The following ADAM7 variants were observed in gnomAD, a reference collection of about 807,000 sequenced individuals.
ADAM7 encodes ADAM metallopeptidase domain 7, also known as disintegrin and metalloproteinase domain-containing protein 7.
In ADAM7, 97 loss-of-function variants were observed where a neutral mutation model predicts 102.9. The ratio of observed to expected loss-of-function variants is 0.94; its 90% CI spans 0.80 to 1.12. The LOEUF (loss-of-function observed/expected upper bound fraction) is 1.12, where lower values mean the gene tolerates loss of function less well. Ranked by LOEUF, ADAM7 falls within the 50% of genes most tolerant of loss-of-function variation. The pLI is 0.00. For missense variants in ADAM7, 991 were observed against 908.7 expected, an observed-to-expected ratio of 1.09 and a Z score of -1.16; for synonymous variants, 334 against 304.4, an observed-to-expected ratio of 1.10 and a Z score of -1.01.
In ADAM7 at chr8:24,504,834, T is replaced by G. The variant is rs551912369; in HGVS notation, c.2209-2646T>G. ...GATGAATTTCACTGGCATATAGAGA[T>G]AGTGAATCTTTCTCTGGTTATATAT... On this transcript the variant is annotated intron_variant, in intron 20 of 21. Coordinates refer to ENST00000175238, the MANE Select transcript of ADAM7 (RefSeq NM_003817.4). 3.3e-5 allele frequency among the ~76,000 whole-genome samples: 5 copies of G among 152,308 alleles called. 1 individual carries two copies. The highest frequency in any genetic ancestry group is 9.6e-5 in the African/African-American group (4 of 41,574).
At chr8:24,493,337 A>T (rs1820434837) in intron 16 of ADAM7, 108 bp downstream of exon 16, 3 of 939,598 alleles carry the variant, frequency 3.2e-6, no homozygotes, top group African/African-American at 3.5e-5. Context: ...GAAAAGGAAA[A>T]AATATTGACA....
At chr8:24,461,489 G>T (rs1216045423) in intron 3 of ADAM7, among the ~76,000 whole-genome samples, 2 of 152,156 alleles carry the variant, frequency 1.3e-5, no homozygotes, top group African/African-American at 2.4e-5. Flanking sequence ...GCAAAGGTGT[G>T]ACTTTCTTCT....
chr8:24,466,757 A>G lies in ADAM7; in HGVS notation c.390-42A>G, dbSNP rs1819439234. ...AAAGTCAATACAATGAAATAGAGTA[A>G]TTATAGGCCTTGAATACAAATTGTG... On this transcript the variant is annotated intron_variant, in intron 5 of 21. Coordinates refer to ENST00000175238, the MANE Select transcript of ADAM7 (RefSeq NM_003817.4). 4 of 1,562,906 alleles carry G rather than the reference A, an allele frequency of 2.6e-6. No individual in the cohort carries two copies. In the African/African-American group the frequency reaches 5.5e-5, roughly 21 times the overall value.
intron 3 of ADAM7, among the ~76,000 whole-genome samples, chr8:24,458,129 A>C (rs1415966902): frequency 6.6e-6 from 1 of 152,046 alleles, no homozygotes; most frequent in African/African-American, 2.4e-5. Context: ...ACAATGTGTA[A>C]CTCTTCTAAT....
At chr8:24,448,280 G>A (rs1474995697) in intron 3 of ADAM7, among the ~76,000 whole-genome samples, 1 of 152,096 alleles carries the variant, frequency 6.6e-6, no homozygotes, top group Non-Finnish European at 1.5e-5. Context: ...GATGCAGATG[G>A]TCTGACTGAA....
chr8:24,505,576 G>T (rs532334259), intron 20 of ADAM7, among the ~76,000 whole-genome samples: 64 of 152,088 alleles, frequency 4.2e-4, no homozygotes, highest in Admixed American at 8.5e-4. Context: ...CTGGGGTTTG[G>T]GGGAGGTCCG....
intron 8 of ADAM7, among the ~76,000 whole-genome samples, chr8:24,480,811 C>T (rs1054306557): frequency 2.6e-5 from 4 of 151,928 alleles, no homozygotes; most frequent in Non-Finnish European, 4.4e-5. Context: ...AAGGTCAAGG[C>T]AGGAGAATCA....
At chr8:24,446,023 C>T (rs1818545073) in intron 2 of ADAM7, among the ~76,000 whole-genome samples, 1 of 149,528 alleles carries the variant, frequency 6.7e-6, no homozygotes, top group African/African-American at 2.5e-5. Flanking sequence ...CAAGCAGGGA[C>T]TTCCATGAGG....
Position 24,508,711 on chromosome 8 carries a change from T to A in ADAM7, c.*165T>A. The A allele has an allele frequency of 6.9e-7, 1 of 1,447,102 alleles. No individual in the cohort carries two copies. The highest frequency in any genetic ancestry group is 9.1e-7 in the Non-Finnish European group (1 of 1,096,280). The allele number at this position is 1,447,102 out of a possible 1,614,324, so 89.6% of individuals were successfully genotyped here. A position where few individuals can be genotyped will look rare whatever the true frequency, so the allele number is the denominator to read the frequency against. ...TTTAAGAGAAACAACTTATTTCTGT[T>A]AATATTTACCGGTAGAATTCACACC... On this transcript the variant is annotated 3_prime_UTR_variant, in exon 22 of 22. Transcript: ENST00000175238.
In ADAM7 at chr8:24,508,627, A is replaced by T; in HGVS notation, c.*81A>T. 2 of 1,604,484 alleles carry T rather than the reference A, an allele frequency of 1.2e-6. No homozygotes were observed. Among genetic ancestry groups the T allele is most frequent in the Non-Finnish European group, 1.7e-6 (2 of 1,174,502 alleles). On this transcript the variant is annotated 3_prime_UTR_variant, in exon 22 of 22. Transcript: ENST00000175238. ...GCAACGTCTTTACAACCTTACCTAG[A>T]TATCTGCTACTCACATTTTTGGTAG...
chr8:24,474,732 A>T (rs949388441), intron 7 of ADAM7, among the ~76,000 whole-genome samples: 2 of 152,000 alleles, frequency 1.3e-5, no homozygotes, highest in Non-Finnish European at 2.9e-5. Context: ...CATGACAAAA[A>T]GAAAAGAAAA....
chr8:24,504,306 T>C (rs961056357), intron 20 of ADAM7, among the ~76,000 whole-genome samples: 1 of 152,016 alleles, frequency 6.6e-6, no homozygotes, highest in Non-Finnish European at 1.5e-5. Context: ...AGATCCAGAC[T>C]GCAGTGAGCT....
intron 19 of ADAM7, 102 bp from the exon 20 acceptor site, chr8:24,501,375 A>G: frequency 1.2e-6 from 1 of 818,388 alleles, no homozygotes; most frequent in African/African-American, 1.8e-5. Flanking sequence ...TGAAATGGAA[A>G]TTTTTGAAAT....
intron 3 of ADAM7, among the ~76,000 whole-genome samples, chr8:24,462,312 G>A (rs987656308): frequency 6.6e-6 from 1 of 152,172 alleles, no homozygotes; most frequent in East Asian, 1.9e-4. Flanking sequence ...GATTCTCCCC[G>A]CTCTCTCATT....
chr8:24,464,868 C>T lies in ADAM7; in HGVS notation c.313-831C>T, dbSNP rs1210909939. 6.4e-5 allele frequency among the ~76,000 whole-genome samples: 8 copies of T among 124,064 alleles called. No homozygotes were observed. The Admixed American group carries it at 7.3e-4, about 11-fold the overall frequency. 81.4% of individuals were successfully genotyped at this position (124,064 alleles called of 152,430 possible). Reference sequence around the variant, plus strand: ...GCGGCACAATCTCAGCTCACTGCAACCTCCGCCTCCCAGGTTCAAGCGATT... The same window carrying T: ...GCGGCACAATCTCAGCTCACTGCAATCTCCGCCTCCCAGGTTCAAGCGATT... On this transcript the variant is annotated intron_variant, in intron 4 of 21. Coordinates refer to ENST00000175238, the MANE Select transcript of ADAM7 (RefSeq NM_003817.4).
chr8:24,454,113 C>A (rs1447699513), intron 3 of ADAM7, among the ~76,000 whole-genome samples: 3 of 152,202 alleles, frequency 2.0e-5, no homozygotes, highest in Non-Finnish European at 4.4e-5. Context: ...CAGGGACCCA[C>A]TCGAGGAGGC....
chr8:24,442,017 T>G (rs943716613), intron 1 of ADAM7, among the ~76,000 whole-genome samples: 2 of 151,878 alleles, frequency 1.3e-5, no homozygotes, highest in African/African-American at 4.8e-5. Context: ...CTACTAAAAA[T>G]ACAAAAATTA....
At chr8:24,491,111 G>A in intron 13 of ADAM7, among the ~76,000 whole-genome samples, 1 of 152,160 alleles carries the variant, frequency 6.6e-6, no homozygotes, top group South Asian at 2.1e-4. Flanking sequence ...TGGAGGTTTA[G>A]GAGGGAAGTC....
At chr8:24,458,728 T>C (rs1382444152) in intron 3 of ADAM7, among the ~76,000 whole-genome samples, 1 of 152,104 alleles carries the variant, frequency 6.6e-6, no homozygotes, top group Non-Finnish European at 1.5e-5. Flanking sequence ...CTTTTCCTGA[T>C]CTTAAAGGGA....
Sources: gnomAD v4.1 joint callset for allele counts (sites outside exome capture counted in the v4.1 genomes callset) on GRCh38, gnomAD v4.1.1 for gene constraint, MANE v1.5 for transcripts, NCBI Gene and HGNC (gene_info 2026-07-23, HGNC 2026-07-21) for gene names.